Variants in KLF8 observed in about 807,000 individuals in gnomAD.
KLF8 encodes Krueppel-like factor 8.
In KLF8, 10 loss-of-function variants were observed where a neutral mutation model predicts 18.2. The ratio of observed to expected loss-of-function variants is 0.55; its 90% confidence interval spans 0.34 to 0.93. The LOEUF is 0.93. Ranked by LOEUF, KLF8 falls within the 40% of genes least tolerant of loss-of-function variation. KLF8 has a pLI of 0.02. For missense variants in KLF8, 264 were observed against 277.9 expected (o/e 0.95, Z 0.36); for synonymous variants, 109 against 97.3 (o/e 1.12, Z -0.71).
chrX:56,136,770 A>C, the KLF8 span, among the ~76,000 whole-genome samples: 7 of 110,957 alleles, frequency 6.3e-5, no homozygotes, highest in Middle Eastern at 4.6e-3. Context: ...TAATTAAACT[A>C]AAGAGCTTCT....
chrX:55,941,572 A>G, the KLF8 span, among the ~76,000 whole-genome samples: 1 of 112,028 alleles, frequency 8.9e-6, no homozygotes, highest in African/African-American at 3.2e-5. Context: ...CCACCATCAG[A>G]GTGAACAGGC....
chrX:55,960,586 GAGAAGAAGGAGAAGGAGAAAAAA>G, the KLF8 span, among the ~76,000 whole-genome samples: 2 of 52,779 alleles, frequency 3.8e-5, no homozygotes, highest in African/African-American at 7.8e-5. Flanking sequence ...GGAGGAGGAG[GAGAAGAAGGAGAAGGAGAAAAAA>G]AGAAGAAGGA....
the KLF8 span, among the ~76,000 whole-genome samples, chrX:55,959,344 C>A: frequency 1.8e-5 from 2 of 112,011 alleles, no homozygotes; most frequent in African/African-American, 6.5e-5. Context: ...AGAACTCTGG[C>A]AACTCTAAAA....
chrX:56,015,467 T>C, the KLF8 span, among the ~76,000 whole-genome samples: 1 of 112,542 alleles, frequency 8.9e-6, no homozygotes, highest in East Asian at 2.8e-4. Flanking sequence ...AGGCTGAACA[T>C]CTTTTCATCT....
the KLF8 span, among the ~76,000 whole-genome samples, chrX:56,058,269 CATATATATACATATATATATATATATAT>C: frequency 6.3e-5 from 1 of 15,959 alleles, no homozygotes; most frequent in Admixed American, 1.1e-3. Flanking sequence ...CATATATATA[CATATATATACATATATATATATATATAT>C]ATATATATAT....
the KLF8 span, among the ~76,000 whole-genome samples, chrX:56,172,600 T>C: frequency 8.9e-6 from 1 of 112,067 alleles, no homozygotes; most frequent in Non-Finnish European, 1.9e-5. Context: ...GCATGATTTA[T>C]AAGCCTTTCG....
the KLF8 span, among the ~76,000 whole-genome samples, chrX:56,179,241 C>G: frequency 9.0e-6 from 1 of 111,691 alleles, no homozygotes; most frequent in Admixed American, 9.5e-5. Flanking sequence ...GTATTTTATA[C>G]TCTTAGTAGC....
chrX:56,037,486 G>T, the KLF8 span, among the ~76,000 whole-genome samples: 1 of 111,289 alleles, frequency 9.0e-6, no homozygotes, highest in Admixed American at 9.5e-5. Context: ...GAGAATAATT[G>T]ATATTAATTT....
chrX:56,119,164 GATCT>G, the KLF8 span, among the ~76,000 whole-genome samples: 5 of 111,744 alleles, frequency 4.5e-5, no homozygotes, highest in Non-Finnish European at 7.5e-5. Context: ...TAAAGAGACT[GATCT>G]ACTTCCCACA....
chrX:56,195,355 C>T, the KLF8 span, among the ~76,000 whole-genome samples: 1 of 111,816 alleles, frequency 8.9e-6, no homozygotes, highest in Non-Finnish European at 1.9e-5. Context: ...AGATGAATGG[C>T]TAACTAGAGT....
At chrX:55,947,020 G>C in the KLF8 span, among the ~76,000 whole-genome samples, 121 of 111,464 alleles carry the variant, frequency 1.1e-3, no homozygotes, top group Admixed American at 2.9e-4. Flanking sequence ...AAAATAGGAA[G>C]ACTTTTACAC....
the KLF8 span, among the ~76,000 whole-genome samples, chrX:56,178,364 T>C: frequency 8.9e-6 from 1 of 112,355 alleles, no homozygotes; most frequent in African/African-American, 3.2e-5. Context: ...GTTTAGTTCT[T>C]TGTAGATTCT....
chrX:56,217,272 A>G, the KLF8 span, among the ~76,000 whole-genome samples: 1 of 111,679 alleles, frequency 9.0e-6, no homozygotes, highest in African/African-American at 3.3e-5. Flanking sequence ...GAAACCAGCA[A>G]TATGGTAAAA....
the KLF8 span, among the ~76,000 whole-genome samples, chrX:56,153,473 G>T: frequency 3.6e-5 from 4 of 111,673 alleles, no homozygotes; most frequent in Admixed American, 3.8e-4. Context: ...ACAATCTGTT[G>T]TTTTGGCTCA....
chrX:56,230,583 A>G (rs1033845653), upstream of KLF8, among the ~76,000 whole-genome samples: 7 of 111,497 alleles, frequency 6.3e-5, no homozygotes, highest in African/African-American at 2.3e-4. Context: ...AAACAAATAC[A>G]TATGCATGTG....
chrX:56,073,535 T>C, the KLF8 span, among the ~76,000 whole-genome samples: 1 of 111,368 alleles, frequency 9.0e-6, no homozygotes, highest in Non-Finnish European at 1.9e-5. Flanking sequence ...AGTCACATGA[T>C]AATTTTATGT....
At chrX:56,217,477 C>T in the KLF8 span, among the ~76,000 whole-genome samples, 45 of 109,909 alleles carry the variant, frequency 4.1e-4, no homozygotes, top group East Asian at 0.012. Context: ...TGCGGTGGTG[C>T]GATCTTGGGT....
chrX:56,216,515 T>TTTAC, the KLF8 span, among the ~76,000 whole-genome samples: 2 of 97,572 alleles, frequency 2.0e-5, no homozygotes, highest in East Asian at 6.5e-4. Context: ...TGGCTGCTGA[T>TTTAC]TTATTTATTT....
At chrX:56,051,150 G>C in the KLF8 span, among the ~76,000 whole-genome samples, 1 of 110,820 alleles carries the variant, frequency 9.0e-6, no homozygotes, top group African/African-American at 3.3e-5. Context: ...TTTATTTTGA[G>C]CCTATGTGTG....
Sources: gnomAD v4.1 joint callset for allele counts (sites outside exome capture counted in the v4.1 genomes callset) on GRCh38, gnomAD v4.1.1 for gene constraint, MANE v1.5 for transcripts, NCBI Gene and HGNC (gene_info 2026-07-23, HGNC 2026-07-21) for gene names.